Variants in KCNMA1 observed in about 807,000 individuals in gnomAD.
KCNMA1 encodes the protein Calcium-activated potassium channel subunit alpha-1.
In KCNMA1, 29 loss-of-function variants were observed where a neutral mutation model predicts 140.0. The ratio of observed to expected loss-of-function variants is 0.21; its 90% CI spans 0.15 to 0.28. The LOEUF (loss-of-function observed/expected upper bound fraction) is 0.28, where lower values mean the gene tolerates loss of function less well. Ranked by LOEUF, KCNMA1 falls within the 10% of genes least tolerant of loss-of-function variation. KCNMA1 has a pLI of 1.00. For synonymous variants in KCNMA1, 612 were observed against 611.9 expected (o/e 1.00, Z 0.00); for missense variants, 880 against 1,602.2 (o/e 0.55, Z 7.70).
At chr10:77,621,523 TACACAC>T (rs55689211) in intron 1 of KCNMA1, among the ~76,000 whole-genome samples, 2,178 of 146,646 alleles carry the variant, frequency 0.015, 42 homozygotes, top group African/African-American at 0.046. Flanking sequence ...TACGTACATG[TACACAC>T]ACACACACAC....
chr10:77,182,138 A>G (rs1362039591), intron 5 of KCNMA1, among the ~76,000 whole-genome samples: 1 of 152,196 alleles, frequency 6.6e-6, no homozygotes, highest in East Asian at 1.9e-4. Context: ...GAAAATACAC[A>G]TATTCTTTGA....
chr10:77,383,282 A>G (rs1825015238), intron 2 of KCNMA1, among the ~76,000 whole-genome samples: 1 of 151,514 alleles, frequency 6.6e-6, no homozygotes, highest in African/African-American at 2.4e-5. Flanking sequence ...TATGCCAACA[A>G]TTGGCTTAGG....
intron 19 of KCNMA1, chr10:76,995,582 A>C (rs1423485531): frequency 2.1e-6 from 1 of 471,012 alleles, no homozygotes; most frequent in East Asian, 7.0e-5. Context: ...CTGTCGCCTG[A>C]GATAGTGGAG....
chr10:76,875,445 T>C (rs1055968136), downstream of KCNMA1: 3 of 152,184 alleles, frequency 2.0e-5, no homozygotes, highest in African/African-American at 7.2e-5. Context: ...TTAAAATTTC[T>C]AGCCACAAAT....
chr10:77,371,685 T>A (rs2094728080), intron 2 of KCNMA1, among the ~76,000 whole-genome samples: 2 of 152,104 alleles, frequency 1.3e-5, no homozygotes, highest in South Asian at 4.2e-4. Flanking sequence ...CCTATCAACC[T>A]CTGAGTTTTC....
At chr10:77,052,768 C>T (rs1053893325) in intron 14 of KCNMA1, among the ~76,000 whole-genome samples, 1 of 152,106 alleles carries the variant, frequency 6.6e-6, no homozygotes, top group Admixed American at 6.5e-5. Context: ...CCTAGTAATT[C>T]AATCTTGAGC....
intron 1 of KCNMA1, among the ~76,000 whole-genome samples, chr10:77,418,575 C>G (rs569126557): frequency 6.6e-6 from 1 of 152,238 alleles, no homozygotes; most frequent in Admixed American, 6.5e-5. Context: ...GGCATCCACA[C>G]CCTGTCCCCA....
intron 1 of KCNMA1, among the ~76,000 whole-genome samples, chr10:77,576,541 A>G (rs1392920362): frequency 6.6e-6 from 1 of 152,134 alleles, no homozygotes; most frequent in Non-Finnish European, 1.5e-5. Context: ...CCTCCACTGG[A>G]GACGTGCTTC....
At chr10:77,198,745 C>T (rs1598505904) in intron 3 of KCNMA1, among the ~76,000 whole-genome samples, 1 of 152,078 alleles carries the variant, frequency 6.6e-6, no homozygotes, top group Non-Finnish European at 1.5e-5. Context: ...TATCATTTTT[C>T]TTGCCTCTTC....
chr10:77,111,510 T>C lies in KCNMA1; in HGVS notation c.960+857A>G, dbSNP rs575615853. ...TTGGTTACAGCAAGAATTAGGGTGA[T>C]TAAGGTTGATTTTGGCCATGAATCC... On this transcript the variant is annotated intron_variant, in intron 7 of 27. Transcript: ENST00000286628. Among the ~76,000 whole-genome samples the C allele has an allele frequency of 1.6e-3, 239 of 152,270 alleles. 2 individuals carry two copies. Among genetic ancestry groups the C allele is most frequent in the African/African-American group, 5.3e-3 (222 of 41,538 alleles).
chr10:77,385,104 T>C (rs566074031), intron 2 of KCNMA1, among the ~76,000 whole-genome samples: 111 of 152,368 alleles, frequency 7.3e-4, no homozygotes, highest in Middle Eastern at 3.4e-3. Flanking sequence ...ACATGATTTA[T>C]ATCTCATTCC....
intron 1 of KCNMA1, among the ~76,000 whole-genome samples, chr10:77,557,094 A>G (rs2064792671): frequency 6.6e-6 from 1 of 152,250 alleles, no homozygotes; most frequent in Non-Finnish European, 1.5e-5. Context: ...AGAGCTGCAC[A>G]GGAGTCAGGT....
intron 1 of KCNMA1, among the ~76,000 whole-genome samples, chr10:77,539,357 T>A (rs372000592): frequency 6.8e-4 from 103 of 152,278 alleles, no homozygotes; most frequent in African/African-American, 2.3e-3. Context: ...CCCAACAACG[T>A]ATCCACTAAA....
At chr10:77,042,894 G>A (rs538434614) in intron 14 of KCNMA1, among the ~76,000 whole-genome samples, 10 of 152,224 alleles carry the variant, frequency 6.6e-5, no homozygotes, top group African/African-American at 2.4e-4. Flanking sequence ...TTTAATCTTA[G>A]GATCTGTTCT....
intron 1 of KCNMA1, among the ~76,000 whole-genome samples, chr10:77,620,314 C>T (rs1477970060): frequency 6.6e-6 from 1 of 152,194 alleles, no homozygotes; most frequent in African/African-American, 2.4e-5. Context: ...CTGCACAGCA[C>T]AAGGCCATCC....
At chr10:77,583,171 T>C (rs1468450820) in intron 1 of KCNMA1, among the ~76,000 whole-genome samples, 1 of 152,210 alleles carries the variant, frequency 6.6e-6, no homozygotes, top group African/African-American at 2.4e-5. Context: ...CTCTGCCTGC[T>C]CTTCCCTGGT....
intron 2 of KCNMA1, among the ~76,000 whole-genome samples, chr10:77,308,369 G>T (rs1054918060): frequency 1.3e-5 from 2 of 152,212 alleles, no homozygotes; most frequent in African/African-American, 4.8e-5. Flanking sequence ...TAGCCCAGAT[G>T]AAATGATTGC....
At chr10:77,199,567 A>G (rs1302579402) in intron 3 of KCNMA1, among the ~76,000 whole-genome samples, 1 of 152,232 alleles carries the variant, frequency 6.6e-6, no homozygotes, top group East Asian at 1.9e-4. Flanking sequence ...TGGCCAGCAC[A>G]TGATGGATGC....
chr10:76,941,954 T>G (rs183853888), intron 23 of KCNMA1, among the ~76,000 whole-genome samples: 1 of 151,886 alleles, frequency 6.6e-6, no homozygotes, highest in East Asian at 1.9e-4. Context: ...TTCTTTTACT[T>G]TATTTATTTG....
Sources: allele counts gnomAD v4.1 joint callset (sites outside exome capture counted in the v4.1 genomes callset), GRCh38; gene constraint gnomAD v4.1.1; transcripts MANE v1.5; gene names NCBI Gene and HGNC (gene_info 2026-07-23, HGNC 2026-07-21).